Variants in KIAA1958 observed in about 807,000 individuals in gnomAD.
KIAA1958 encodes uncharacterized protein KIAA1958.
Under a neutral mutation model 47.2 loss-of-function variants are expected in KIAA1958, and 14 were observed. That is an observed-to-expected ratio of 0.30 (90% CI 0.20 to 0.46). The LOEUF is 0.46. Ranked by LOEUF, KIAA1958 falls within the 20% of genes least tolerant of loss-of-function variation. The pLI, the probability that KIAA1958 is intolerant of heterozygous loss-of-function variation, is 1.00. For synonymous variants in KIAA1958, 354 were observed against 353.3 expected, an observed-to-expected ratio of 1.00 and a Z score of -0.02; for missense variants, 803 against 909.2, an observed-to-expected ratio of 0.88 and a Z score of 1.50.
intron 1 of KIAA1958, among the ~76,000 whole-genome samples, chr9:112,492,131 G>A (rs1247380236): frequency 6.6e-6 from 1 of 152,116 alleles, no homozygotes; most frequent in African/African-American, 2.4e-5. Flanking sequence ...TAATTTGTTA[G>A]GGCTGCCATA....
At chr9:112,499,984 G>A (rs1024015077) in intron 1 of KIAA1958, among the ~76,000 whole-genome samples, 3 of 151,914 alleles carry the variant, frequency 2.0e-5, no homozygotes, top group East Asian at 1.9e-4. Context: ...CACTGCGCCC[G>A]GCCTCCTATC....
intron 1 of KIAA1958, among the ~76,000 whole-genome samples, chr9:112,489,150 G>A (rs1198907789): frequency 6.6e-6 from 1 of 152,182 alleles, no homozygotes; most frequent in East Asian, 1.9e-4. Context: ...ATTGAAATTT[G>A]ATCAGGCTTT....
chr9:112,573,283 C>G (rs1835570403), intron 1 of KIAA1958, among the ~76,000 whole-genome samples: 1 of 152,176 alleles, frequency 6.6e-6, no homozygotes, highest in South Asian at 2.1e-4. Context: ...TTTGTAACCT[C>G]TAATGGTGGG....
intron 1 of KIAA1958, among the ~76,000 whole-genome samples, chr9:112,561,948 T>A (rs1163350792): frequency 6.6e-6 from 1 of 152,208 alleles, no homozygotes; most frequent in African/African-American, 2.4e-5. Context: ...TCTAAGGGCC[T>A]GTTTGCATGG....
In KIAA1958 at chr9:112,543,550, A is replaced by G. The variant is rs117641382; in HGVS notation, c.-24-30507A>G. 4.1e-3 allele frequency among the ~76,000 whole-genome samples: 568 copies of G among 138,908 alleles called. 28 individuals are homozygous for G. In the East Asian group the frequency reaches 0.1, roughly 24 times the overall value. 91.1% of individuals were successfully genotyped at this position (138,908 alleles called of 152,430 possible). A position where few individuals can be genotyped will look rare whatever the true frequency, so the allele number is the denominator to read the frequency against. On this transcript the variant is annotated intron_variant, in intron 1 of 3. Coordinates refer to ENST00000337530, the MANE Select transcript of KIAA1958 (RefSeq NM_133465.4). ...TTATCATTAACTTTACCACTTTACC[A>G]TTGAGCTTCTGAGCTTCTTTTTTTT... is the stretch of plus-strand genomic sequence containing the variant.
intron 2 of KIAA1958, among the ~76,000 whole-genome samples, chr9:112,609,281 TAAA>T (rs1224823238): frequency 1.3e-5 from 2 of 152,180 alleles, no homozygotes; most frequent in Non-Finnish European, 2.9e-5. Context: ...GTTGACACTC[TAAA>T]AAACAATGGA....
chr9:112,537,841 T>C (rs1834881519), intron 1 of KIAA1958, among the ~76,000 whole-genome samples: 1 of 152,124 alleles, frequency 6.6e-6, no homozygotes, highest in Admixed American at 6.5e-5. Flanking sequence ...AATGAAACTA[T>C]TATTTGAATG....
At chr9:112,644,582 C>CGGCTAAGGGTTGTG (rs1564200183) in intron 2 of KIAA1958, among the ~76,000 whole-genome samples, 1 of 151,810 alleles carries the variant, frequency 6.6e-6, no homozygotes, top group East Asian at 1.9e-4. Context: ...TAAGAAAAGC[C>CGGCTAAGGGTTGTG]AGCTAGTTAT....
In KIAA1958 at chr9:112,610,521, G is replaced by A. The variant is rs185432721; in HGVS notation, c.1172-35129G>A. ...ATAAATGAAAATGAGAAGTAATCAC[G>A]GGCCCCCCAAAAATTGAAATTATCA... On this transcript the variant is annotated intron_variant, in intron 2 of 3. Coordinates refer to ENST00000337530, the MANE Select transcript of KIAA1958 (RefSeq NM_133465.4). Among the ~76,000 whole-genome samples the A allele has an allele frequency of 3.8e-4, 58 of 152,044 alleles. 1 individual carries two copies. The highest frequency in any genetic ancestry group is 3.1e-3 in the Admixed American group (47 of 15,264).
intron 3 of KIAA1958, among the ~76,000 whole-genome samples, chr9:112,652,707 C>T (rs1026076254): frequency 2.0e-5 from 3 of 152,118 alleles, no homozygotes; most frequent in African/African-American, 7.2e-5. Context: ...GCAGCCTCTA[C>T]CTCCGGGGTT....
chr9:112,651,860 T>C (rs1210050185), intron 3 of KIAA1958, among the ~76,000 whole-genome samples: 2 of 152,178 alleles, frequency 1.3e-5, no homozygotes, highest in Non-Finnish European at 2.9e-5. Flanking sequence ...AATTTGTGAG[T>C]TGTAGCTAAA....
intron 1 of KIAA1958, among the ~76,000 whole-genome samples, chr9:112,532,562 T>C (rs983668921): frequency 6.6e-6 from 1 of 152,196 alleles, no homozygotes; most frequent in African/African-American, 2.4e-5. Context: ...GAGACTGTTG[T>C]AATAGAAGGT....
Position 112,659,849 on chromosome 9 carries a change from C to T in KIAA1958, c.1931C>T (p.Thr644Ile), listed in dbSNP as rs114233958. The stretch of plus-strand genomic sequence containing the variant: ...TACATGTACATCCACCGGCCGCCCA[C>T]CCAAATGGAGGCCAAGTCCCCCTTC... The part of the protein sequence containing the change: ...YKYMYIHRPP[T>I]QMEAKSPFYL... The change falls in exon 4 of 4, where the codon ACC (threonine) becomes ATC (isoleucine). Residue 644 changes from threonine to isoleucine, a missense_variant. By Grantham distance (89) the Thr-to-Ile change is moderately conservative (BLOSUM62 -1). This residue lies in a region of KIAA1958 where 761 missense variants were observed against 829.3 expected (regional missense o/e 0.92). Coordinates refer to ENST00000337530, the MANE Select transcript of KIAA1958 (RefSeq NM_133465.4). 1 of 1,614,040 alleles carries T rather than the reference C, an allele frequency of 6.2e-7. No homozygotes were observed. The highest frequency in any genetic ancestry group is 8.5e-7 in the Non-Finnish European group (1 of 1,180,022).
At chr9:112,637,898 C>T (rs946068172) in intron 2 of KIAA1958, among the ~76,000 whole-genome samples, 1 of 151,938 alleles carries the variant, frequency 6.6e-6, no homozygotes, top group African/African-American at 2.4e-5. Flanking sequence ...CCTGTAATCC[C>T]AACACTTTGG....
intron 1 of KIAA1958, among the ~76,000 whole-genome samples, chr9:112,487,946 CGTGTGTGT>C (rs57108785): frequency 1.0e-4 from 15 of 145,842 alleles, no homozygotes; most frequent in East Asian, 8.0e-4. Flanking sequence ...AGTGTGTGTG[CGTGTGTGT>C]GTGTGTGTGT....
intron 2 of KIAA1958, among the ~76,000 whole-genome samples, chr9:112,596,829 T>C (rs186596207): frequency 6.6e-6 from 1 of 152,368 alleles, no homozygotes; most frequent in Admixed American, 6.5e-5. Flanking sequence ...AATTGATTAA[T>C]AATACCTTTT....
chr9:112,567,909 G>T (rs1013886042), intron 1 of KIAA1958, among the ~76,000 whole-genome samples: 11 of 121,766 alleles, frequency 9.0e-5, no homozygotes, highest in African/African-American at 3.3e-4. Context: ...AGTGAGCAGA[G>T]ATTGTGCCAC....
intron 2 of KIAA1958, among the ~76,000 whole-genome samples, chr9:112,642,687 C>T (rs186479131): frequency 5.7e-4 from 87 of 152,274 alleles, no homozygotes; most frequent in African/African-American, 1.3e-3. Flanking sequence ...TAGTAGTTCC[C>T]GCTTTTTCCT....
At chr9:112,550,470 C>A (rs543302286) in intron 1 of KIAA1958, among the ~76,000 whole-genome samples, 5 of 152,096 alleles carry the variant, frequency 3.3e-5, no homozygotes, top group Admixed American at 3.3e-4. Context: ...TTGACTGGGG[C>A]TTTGTGTTGG....
Sources: gnomAD v4.1 joint callset for allele counts (sites outside exome capture counted in the v4.1 genomes callset) on GRCh38, gnomAD v4.1.1 for gene constraint, gnomAD v4.1.1 regional missense constraint, MANE v1.5 for transcripts, NCBI Gene and HGNC (gene_info 2026-07-23, HGNC 2026-07-21) for gene names.